The following NDUFS2 variants were observed in gnomAD, a reference collection of about 807,000 sequenced individuals.
NDUFS2 encodes the protein NADH dehydrogenase [ubiquinone] iron-sulfur protein 2, mitochondrial.
In NDUFS2, 38 loss-of-function variants were observed where a neutral mutation model predicts 69.6. The observed-to-expected ratio is 0.55, with a 90% CI of 0.42 to 0.72. The LOEUF is 0.72. NDUFS2 is among the 30% of genes least tolerant of loss of function. The pLI is 0.00. For synonymous variants in NDUFS2, 194 were observed against 211.2 expected (o/e 0.92, Z 0.70); for missense variants, 468 against 595.0 (o/e 0.79, Z 2.22).
upstream of NDUFS2, chr1:161,202,272 T>G (rs1558081221): frequency 8.6e-6 from 9 of 1,051,128 alleles, no homozygotes; most frequent in East Asian, 2.3e-4. Flanking sequence ...TAAACGACCC[T>G]GCCAGCTTCC....
At chr1:161,206,357 G>A in intron 2 of NDUFS2, 50 bp from the exon 3 acceptor site, 2 of 1,593,088 alleles carry the variant, frequency 1.3e-6, no homozygotes, top group Middle Eastern at 1.7e-4. Context: ...ATCTTTTGGG[G>A]GATCCCAAGG....
chr1:161,209,958 T>C, intron 6 of NDUFS2, 27 bp downstream of exon 6: 2 of 1,613,574 alleles, frequency 1.2e-6, no homozygotes, highest in Non-Finnish European at 1.7e-6. Context: ...CTTCCCCAAA[T>C]GTCCAGCCCA....
upstream of NDUFS2, among the ~76,000 whole-genome samples, chr1:161,201,865 T>C (rs773897691): frequency 7.2e-5 from 11 of 152,222 alleles, no homozygotes; most frequent in Admixed American, 2.6e-4. Context: ...TTAGGCTCCT[T>C]TCTCCAATCT....
In NDUFS2 at chr1:161,213,658, G is replaced by A; in HGVS notation, c.1222G>A (p.Gly408Arg). Reference protein sequence around the residue: ...TAIEAPKGEFGVYLVSDGSSR... With the variant: ...TAIEAPKGEFRVYLVSDGSSR... ...CTTCTTCCTTGAACAGGGAGAGTTT[G>A]GGGTGTACCTGGTGTCTGATGGCAG... The change falls in exon 12 of 14, where the codon GGG becomes AGG. Residue 408 changes from glycine to arginine, a missense_variant. Around this residue, in one of 3 missense-constraint regions of NDUFS2, gnomAD observed 72 missense variants for 118.9 expected, o/e 0.61. Transcript: ENST00000676972. 1.1e-5 allele frequency: 17 copies of A among 1,614,178 alleles called. No individual in the cohort carries two copies. The highest frequency in any genetic ancestry group is 1.4e-5 in the Non-Finnish European group (17 of 1,180,022).
In NDUFS2 at chr1:161,209,251, A is replaced by G. The variant is rs1240833330; in HGVS notation, c.452A>G (p.Tyr151Cys). Residue 151 changes from tyrosine (Y) to cysteine (C), a missense_variant, in exon 4 of 14, where the codon TAT (tyrosine) becomes TGT (cysteine). By Grantham distance (194) the Tyr-to-Cys change is radical (BLOSUM62 -2). Transcript: ENST00000676972. ...TCCATGATGTGTAACGAACAGGCCT[A>G]TTCTCTAGCTGTGGAGAAGTTGCTA... ...YVSMMCNEQA[Y>C]SLAVEKLLNI... 2 of 1,614,044 alleles carry G rather than the reference A, an allele frequency of 1.2e-6. No individual in the cohort carries two copies. The highest frequency in any genetic ancestry group is 1.7e-6 in the Non-Finnish European group (2 of 1,180,036).
At chr1:161,202,040 A>C, upstream of NDUFS2, 2 of 410,030 alleles carry the variant, frequency 4.9e-6, no homozygotes, top group African/African-American at 2.0e-5. Context: ...GGAAGGGAGT[A>C]GGGAAGGAAG....
chr1:161,214,126 A>G (rs777908362), intron 13 of NDUFS2, 30 bp from the exon 14 acceptor site: 1 of 1,614,036 alleles, frequency 6.2e-7, no homozygotes, highest in Admixed American at 1.7e-5. Flanking sequence ...GATAAGTAAC[A>G]TCACTTTTTT....
chr1:161,213,781 T>A (rs773176316), intron 12 of NDUFS2, 49 bp downstream of exon 12: 1 of 1,610,932 alleles, frequency 6.2e-7, no homozygotes, highest in Non-Finnish European at 8.5e-7. Flanking sequence ...AAACCTGACC[T>A]TGGTTGAGGT....
chr1:161,203,596 A>C lies in NDUFS2; in HGVS notation c.202+53A>C, dbSNP rs150707347. On this transcript the variant is annotated intron_variant, in intron 2 of 13. Transcript: ENST00000676972. The stretch of plus-strand genomic sequence containing the variant: ...CCACACCCATCCCTGCCCCCAGCTG[A>C]TTTCCTTTTCTTTTTTTGAGACAGG... 6.6e-5 allele frequency: 95 copies of C among 1,442,484 alleles called. 1 individual carries two copies. In the East Asian group the frequency reaches 2.2e-3, roughly 33 times the overall value. 89.4% of individuals were successfully genotyped at this position (1,442,484 alleles called of 1,614,324 possible).
At chr1:161,198,569 G>A, upstream of NDUFS2, 1 of 1,554,050 alleles carries the variant, frequency 6.4e-7, no homozygotes, top group South Asian at 1.2e-5. This position sits in a 1 kb window ranked among gnomAD's most constrained non-coding sequence, Gnocchi z 4.7. Flanking sequence ...GCAGGGTTGG[G>A]CTCCCCACAG....
chr1:161,213,326 T>C (rs1665873523), intron 10 of NDUFS2, 54 bp from the exon 11 acceptor site: 3 of 1,224,192 alleles, frequency 2.5e-6, no homozygotes, highest in African/African-American at 1.5e-5. Flanking sequence ...GGGGGAGGCC[T>C]AGGAGACAGA....
intron 1 of NDUFS2, among the ~76,000 whole-genome samples, chr1:161,203,077 C>T (rs185883631): frequency 2.6e-5 from 4 of 152,066 alleles, no homozygotes; most frequent in Middle Eastern, 3.4e-3. Context: ...GAGGCCTAGG[C>T]GGGCAGATCA....
At chr1:161,209,172 C>T in intron 3 of NDUFS2, 21 bp from the exon 4 acceptor site, 1 of 1,614,172 alleles carries the variant, frequency 6.2e-7, no homozygotes, top group Non-Finnish European at 8.5e-7. Context: ...AGATGTGACC[C>T]ACATTCCTCC....
chr1:161,208,087 C>T (rs951908170), intron 3 of NDUFS2, among the ~76,000 whole-genome samples: 1 of 148,774 alleles, frequency 6.7e-6, no homozygotes, highest in African/African-American at 2.5e-5. Context: ...CAGGTTCAAG[C>T]GAGTCTCGTT....
Position 161,203,927 on chromosome 1 carries a change from GCTCT to G in NDUFS2, c.202+387_202+390del, listed in dbSNP as rs1189328243. On this transcript the variant is annotated intron_variant, in intron 2 of 13. Coordinates refer to ENST00000676972, the MANE Select transcript of NDUFS2 (RefSeq NM_001377299.1). ...CCAGCTGATTTCTAAGTGCTCTTGAGCTCTCTGTCTTAGGCAAATTTTAGCCCCT... is the reference window on the plus strand; with the variant it reads ...CCAGCTGATTTCTAAGTGCTCTTGAGCTGTCTTAGGCAAATTTTAGCCCCT... The G allele has an allele frequency of 1.2e-5, 4 of 329,086 alleles. No individual in the cohort carries two copies. The Admixed American group carries it at 1.6e-4, about 14-fold the overall frequency. The allele number at this position is 329,086 out of a possible 1,614,324, so 20.4% of individuals were successfully genotyped here. A position where few individuals can be genotyped will look rare whatever the true frequency, so the allele number is the denominator to read the frequency against.
intron 9 of NDUFS2, 29 bp downstream of exon 9, chr1:161,210,739 A>G: frequency 1.2e-6 from 2 of 1,613,714 alleles, no homozygotes; most frequent in Non-Finnish European, 1.7e-6. Flanking sequence ...CTTGGCTGAT[A>G]TTCCAGCTAG....
At chr1:161,214,129 A>G (rs1350052695) in intron 13 of NDUFS2, 27 bp from the exon 14 acceptor site, 1 of 1,613,788 alleles carries the variant, frequency 6.2e-7, no homozygotes, top group African/African-American at 1.3e-5. Context: ...AAGTAACATC[A>G]CTTTTTTCCT....
At chr1:161,202,078 GGGCTC>G (rs1243147833), upstream of NDUFS2, 1 of 471,686 alleles carries the variant, frequency 2.1e-6, no homozygotes, top group Non-Finnish European at 3.9e-6. Flanking sequence ...ATACGCAGGC[GGGCTC>G]GGCGAGAGAG....
intron 8 of NDUFS2, 29 bp downstream of exon 8, chr1:161,210,418 G>A (rs1183702838): frequency 6.2e-7 from 1 of 1,607,690 alleles, no homozygotes; most frequent in Non-Finnish European, 8.5e-7. Context: ...CTCTCCGTAG[G>A]AGTGGGGGTG....
Sources: allele counts gnomAD v4.1 joint callset (sites outside exome capture counted in the v4.1 genomes callset), GRCh38; gene constraint gnomAD v4.1.1; regional missense constraint gnomAD v4.1.1; non-coding constraint Gnocchi (gnomAD v3.1); transcripts MANE v1.5; gene names NCBI Gene and HGNC (gene_info 2026-07-23, HGNC 2026-07-21).